The following WWOX variants were observed in gnomAD, a reference collection of about 807,000 sequenced individuals.
The protein encoded by WWOX is WW domain-containing oxidoreductase.
In WWOX, 69 loss-of-function variants were observed where a neutral mutation model predicts 46.2. The observed-to-expected ratio is 1.49, with a 90% CI of 1.23 to 1.82. The LOEUF (loss-of-function observed/expected upper bound fraction) is 1.82. Among genes scored for constraint, WWOX ranks in the 40% most tolerant of loss-of-function variants. WWOX has a pLI of 0.00. For synonymous variants in WWOX, 359 were observed against 202.6 expected (o/e 1.77, Z -6.56); for missense variants, 919 against 542.6 (o/e 1.69, Z -6.89).
chr16:78,317,613 G>C (rs2080381766), intron 5 of WWOX, among the ~76,000 whole-genome samples: 1 of 152,132 alleles, frequency 6.6e-6, no homozygotes, highest in Non-Finnish European at 1.5e-5. Context: ...GCACACACTT[G>C]CGTAAAGTGA....
intron 8 of WWOX, among the ~76,000 whole-genome samples, chr16:78,547,710 C>T (rs1357345167): frequency 6.6e-6 from 1 of 152,146 alleles, no homozygotes; most frequent in Non-Finnish European, 1.5e-5. Context: ...ATGTTCACCT[C>T]CTTGCTATGT....
intron 8 of WWOX, among the ~76,000 whole-genome samples, chr16:78,925,419 A>G (rs2045476072): frequency 6.6e-6 from 1 of 152,176 alleles, no homozygotes; most frequent in Non-Finnish European, 1.5e-5. Flanking sequence ...TATGTCCACG[A>G]AGTTCCATGG....
intron 8 of WWOX, among the ~76,000 whole-genome samples, chr16:79,024,375 T>G (rs1472153219): frequency 1.3e-5 from 2 of 152,130 alleles, no homozygotes; most frequent in African/African-American, 4.8e-5. Context: ...CCTCCCACCT[T>G]AGCCTCCTCA....
At chr16:78,460,248 C>T (rs967818012) in intron 8 of WWOX, among the ~76,000 whole-genome samples, 35 of 152,146 alleles carry the variant, frequency 2.3e-4, no homozygotes, top group Non-Finnish European at 2.2e-4. Context: ...GTGCCTCAGC[C>T]TTCCAAGTAG....
At chr16:78,344,143 C>G (rs13339052) in intron 5 of WWOX, among the ~76,000 whole-genome samples, 26,311 of 83,430 alleles carry the variant, frequency 0.32, 8,316 homozygotes, top group African/African-American at 0.5. Flanking sequence ...ATTAGTGTTT[C>G]ACCAGACTGA....
At chr16:78,517,363 G>C (rs2043257363) in intron 8 of WWOX, among the ~76,000 whole-genome samples, 1 of 107,756 alleles carries the variant, frequency 9.3e-6, no homozygotes, top group Non-Finnish European at 1.7e-5. Context: ...TTTGACATTT[G>C]AAGCATCCAC....
intron 8 of WWOX, among the ~76,000 whole-genome samples, chr16:78,950,435 A>G (rs914680623): frequency 5.3e-5 from 8 of 152,018 alleles, no homozygotes; most frequent in African/African-American, 1.9e-4. Flanking sequence ...TCCTGATGAA[A>G]AAGATGTTGG....
chr16:79,191,606 T>C (rs1362861000), intron 8 of WWOX, among the ~76,000 whole-genome samples: 1 of 152,206 alleles, frequency 6.6e-6, no homozygotes, highest in African/African-American at 2.4e-5. Flanking sequence ...ATTTGAGACA[T>C]AATTTGGAGA....
At position 78,925,532 on chromosome 16, in the gene WWOX, T is replaced by G. The variant is rs555086622; in HGVS notation, c.1057-286076T>G. ...CAGGAACTCGCTTATGTGTGTTGTT[T>G]TCTGCTTCTTTCCACTAGGGAGCTA... On this transcript the variant is annotated intron_variant, in intron 8 of 8. Coordinates refer to ENST00000566780, the MANE Select transcript of WWOX (RefSeq NM_016373.4). Among the ~76,000 whole-genome samples, 10 of 152,352 alleles carry G rather than the reference T, an allele frequency of 6.6e-5. No homozygotes were observed. In the East Asian group the frequency reaches 1.7e-3, roughly 26 times the overall value.
intron 1 of WWOX, 158 bp downstream of exon 1, chr16:78,100,043 G>A (rs547843051): frequency 2.1e-6 from 3 of 1,428,358 alleles, no homozygotes; most frequent in East Asian, 5.9e-5. Flanking sequence ...AGGGTTCCCA[G>A]TAGGGGCCGG....
intron 8 of WWOX, among the ~76,000 whole-genome samples, chr16:79,118,336 T>C (rs776587688): frequency 3.3e-5 from 5 of 152,200 alleles, no homozygotes; most frequent in African/African-American, 4.8e-5. Flanking sequence ...CCATCTGATA[T>C]GGGTGCAGTT....
intron 8 of WWOX, among the ~76,000 whole-genome samples, chr16:79,136,866 A>G (rs1362418091): frequency 6.6e-5 from 10 of 152,266 alleles, no homozygotes; most frequent in Admixed American, 5.9e-4. Flanking sequence ...CATATTTGTT[A>G]CATGCAATAT....
At chr16:78,136,477 C>G (rs1337012500) in intron 4 of WWOX, among the ~76,000 whole-genome samples, 1 of 152,166 alleles carries the variant, frequency 6.6e-6, no homozygotes, top group Non-Finnish European at 1.5e-5. Context: ...TAGTCTTCAT[C>G]ATGGGGCCTG....
chr16:79,127,803 T>A (rs2150689044), intron 8 of WWOX, among the ~76,000 whole-genome samples: 1 of 152,214 alleles, frequency 6.6e-6, no homozygotes, highest in South Asian at 2.1e-4. Context: ...GGACTGAGAG[T>A]ACATGTGGAT....
intron 8 of WWOX, among the ~76,000 whole-genome samples, chr16:78,802,411 A>T (rs1191973523): frequency 6.6e-6 from 1 of 151,990 alleles, no homozygotes; most frequent in East Asian, 1.9e-4. Context: ...AATGCCGAGG[A>T]AGCAAGTGTA....
intron 8 of WWOX, among the ~76,000 whole-genome samples, chr16:78,435,278 A>C (rs1020068699): frequency 1.3e-5 from 2 of 152,144 alleles, no homozygotes; most frequent in African/African-American, 4.8e-5. Context: ...GTAATAGCAG[A>C]TGCCCAACCT....
At chr16:78,309,843 T>C (rs1360525866) in intron 5 of WWOX, among the ~76,000 whole-genome samples, 1 of 152,320 alleles carries the variant, frequency 6.6e-6, no homozygotes, top group East Asian at 1.9e-4. Context: ...CTCCACTACC[T>C]GGACCATGAC....
intron 5 of WWOX, among the ~76,000 whole-genome samples, chr16:78,285,703 A>C (rs1430903675): frequency 6.6e-6 from 1 of 152,168 alleles, no homozygotes; most frequent in Non-Finnish European, 1.5e-5. Flanking sequence ...GGATCTTAAA[A>C]CAGTAATCGG....
rs974645153 is a variant in WWOX, at chr16:78,261,286, C to G, written c.516+96997C>G. 2.1e-4 allele frequency among the ~76,000 whole-genome samples: 31 copies of G among 145,242 alleles called. 2 individuals are homozygous for G. The highest frequency in any genetic ancestry group is 4.0e-4 in the Admixed American group (6 of 14,898). On this transcript the variant is annotated intron_variant, in intron 5 of 8. Transcript: ENST00000566780. ...AGGTAGATAGATAGATAGATAGATA[C>G]ATACATACATACATACATACATACA...
Sources: gnomAD v4.1 joint callset for allele counts (sites outside exome capture counted in the v4.1 genomes callset) on GRCh38, gnomAD v4.1.1 for gene constraint, MANE v1.5 for transcripts, NCBI Gene and HGNC (gene_info 2026-07-23, HGNC 2026-07-21) for gene names.